APBB2: variants seen among roughly 807,000 people sequenced by gnomAD.
The protein encoded by APBB2 is amyloid beta precursor protein binding family B member 2, also known as Fe65-like 1.
In APBB2, 38 loss-of-function variants were observed where a neutral mutation model predicts 82.5. The observed-to-expected ratio is 0.46, with a 90% CI of 0.36 to 0.60. The LOEUF (loss-of-function observed/expected upper bound fraction) is 0.60, where lower values mean the gene tolerates loss of function less well. Among genes scored for constraint, APBB2 ranks in the 20% least tolerant of loss-of-function variants. The pLI is 0.00. For synonymous variants in APBB2, 341 were observed against 368.2 expected (o/e 0.93, Z 0.85); for missense variants, 772 against 972.3 (o/e 0.79, Z 2.74).
chr4:40,815,150 AATG>A lies in APBB2; in HGVS notation c.*939_*941del. 6.5e-6 allele frequency: 1 copy of A among 152,754 alleles called. No homozygotes were observed. The highest frequency in any genetic ancestry group is 6.5e-5 in the Admixed American group (1 of 15,300). 9.5% of individuals were successfully genotyped at this position (152,754 alleles called of 1,614,324 possible). A position where few individuals can be genotyped will look rare whatever the true frequency, so the allele number is the denominator to read the frequency against. Reference sequence around the variant, plus strand: ...AATAATCGTGCATGATAGAAATATCAATGATATTTCCTCAACTTCAAATTGCAT... The same window carrying A: ...AATAATCGTGCATGATAGAAATATCAATATTTCCTCAACTTCAAATTGCAT... On this transcript the variant is annotated 3_prime_UTR_variant, in exon 18 of 18. Coordinates refer to ENST00000508593, the MANE Select transcript of APBB2 (RefSeq NM_004307.2).
At chr4:41,144,378 T>C (rs536275854) in intron 1 of APBB2, among the ~76,000 whole-genome samples, 12 of 152,362 alleles carry the variant, frequency 7.9e-5, no homozygotes, top group African/African-American at 2.6e-4. Flanking sequence ...ACTGAGTGCA[T>C]ATAATCTAAA....
intron 7 of APBB2, among the ~76,000 whole-genome samples, chr4:40,941,916 C>T (rs73244020): frequency 0.19 from 29,101 of 151,964 alleles, 3,244 homozygotes; most frequent in Admixed American, 0.27. Context: ...GGATTACAGG[C>T]GTGAGCTGCA....
At chr4:40,878,149 C>A (rs1307933326) in intron 12 of APBB2, among the ~76,000 whole-genome samples, 1 of 152,044 alleles carries the variant, frequency 6.6e-6, no homozygotes, top group Non-Finnish European at 1.5e-5. Context: ...GAGTTCAACA[C>A]CAGCTTGGCC....
At chr4:41,075,769 T>C (rs1735434705) in intron 3 of APBB2, among the ~76,000 whole-genome samples, 1 of 152,250 alleles carries the variant, frequency 6.6e-6, no homozygotes, top group Non-Finnish European at 1.5e-5. Flanking sequence ...ACTTGGAATG[T>C]ATACTTTAGA....
In APBB2 at chr4:40,966,560, G is replaced by A. The variant is rs142960299; in HGVS notation, c.836-21487C>T. ...GGGGCCTAGAAAGCCCCCTGCCCCT[G>A]CAGGCTCAGAAGTGCCTGTTCCTGC... On this transcript the variant is annotated intron_variant, in intron 6 of 17. Transcript: ENST00000508593. 6.0e-3 allele frequency among the ~76,000 whole-genome samples: 910 copies of A among 152,304 alleles called. 4 individuals carry two copies. Among genetic ancestry groups the A allele is most frequent in the Non-Finnish European group, 9.3e-3 (632 of 68,018 alleles).
At chr4:40,929,126 A>G (rs1263910788) in intron 10 of APBB2, among the ~76,000 whole-genome samples, 2 of 151,710 alleles carry the variant, frequency 1.3e-5, no homozygotes, top group Non-Finnish European at 2.9e-5. Context: ...GGCGATCTGG[A>G]GAAGGGGCTA....
intron 12 of APBB2, among the ~76,000 whole-genome samples, chr4:40,866,168 G>A (rs749831988): frequency 4.1e-4 from 63 of 152,120 alleles, no homozygotes; most frequent in African/African-American, 1.4e-3. Flanking sequence ...TGATTACAGC[G>A]GCTTTATTCA....
At chr4:40,868,945 A>G (rs1293362661) in intron 12 of APBB2, among the ~76,000 whole-genome samples, 1 of 152,218 alleles carries the variant, frequency 6.6e-6, no homozygotes, top group African/African-American at 2.4e-5. Context: ...AAAGCCAATC[A>G]CCATGCTTAC....
At chr4:41,212,858 C>T (rs577746660) in intron 1 of APBB2, among the ~76,000 whole-genome samples, 1 of 152,214 alleles carries the variant, frequency 6.6e-6, no homozygotes, top group Non-Finnish European at 1.5e-5. Flanking sequence ...TACCATCCTT[C>T]ACGAACGATG....
At chr4:40,896,741 C>T (rs1773776230) in intron 10 of APBB2, among the ~76,000 whole-genome samples, 1 of 152,174 alleles carries the variant, frequency 6.6e-6, no homozygotes, top group African/African-American at 2.4e-5. Flanking sequence ...TTATTCAGAG[C>T]AGCTCCTTTT....
rs201919540 is a variant in APBB2 at position 41,014,293 on chromosome 4, C to A, written c.125G>T (p.Arg42Leu). ...PATPPNTLNL[R>L]SSHNELLNAE... ...GTTCAACAGTTCATTGTGGGAGGAT[C>A]GGAGGTTAAGGGTGTTTGGTGGTGT... The change falls in exon 6 of 18, where the codon CGA (arginine) becomes CTA (leucine). Residue 42 changes from arginine (R) to leucine (L), a missense_variant. Transcript: ENST00000508593. The A allele has an allele frequency of 1.1e-5, 17 of 1,614,038 alleles. No homozygotes were observed. In the African/African-American group the frequency reaches 1.1e-4, roughly 10 times the overall value.
intron 12 of APBB2, among the ~76,000 whole-genome samples, chr4:40,859,235 TC>T (rs955406111): frequency 2.6e-5 from 4 of 151,140 alleles, no homozygotes; most frequent in Non-Finnish European, 4.4e-5. Context: ...TTCTCTCAAC[TC>T]CATGCTGCCA....
intron 10 of APBB2, among the ~76,000 whole-genome samples, chr4:40,903,721 G>T (rs978083516): frequency 6.6e-6 from 1 of 152,124 alleles, no homozygotes; most frequent in Non-Finnish European, 1.5e-5. Context: ...GCAGGGTTTT[G>T]GGGAGGATAC....
At chr4:41,000,033 G>A (rs1804706591) in intron 6 of APBB2, among the ~76,000 whole-genome samples, 1 of 147,788 alleles carries the variant, frequency 6.8e-6, no homozygotes, top group Non-Finnish European at 1.5e-5. Context: ...AAACAAACGT[G>A]TGTGTGTGTG....
chr4:41,088,630 T>C (rs1051706416), intron 3 of APBB2, among the ~76,000 whole-genome samples: 2 of 152,238 alleles, frequency 1.3e-5, no homozygotes, highest in African/African-American at 2.4e-5. Context: ...TTAGATTCTA[T>C]ATCTAGCTGT....
chr4:41,057,484 T>C (rs1032528929), intron 4 of APBB2, among the ~76,000 whole-genome samples: 16 of 152,320 alleles, frequency 1.1e-4, no homozygotes, highest in African/African-American at 2.4e-4. Context: ...TTCAATAGTA[T>C]ATGTTGCTGT....
intron 4 of APBB2, among the ~76,000 whole-genome samples, chr4:41,046,921 G>A (rs1723632980): frequency 6.6e-6 from 1 of 152,212 alleles, no homozygotes. Context: ...CTTGATCTGT[G>A]ATTCTGATGA....
At chr4:40,937,187 A>C (rs1785581642) in intron 7 of APBB2, among the ~76,000 whole-genome samples, 1 of 152,236 alleles carries the variant, frequency 6.6e-6, no homozygotes, top group African/African-American at 2.4e-5. Flanking sequence ...GGAAGACCCA[A>C]GATAATTGTG....
At chr4:40,823,888 TG>T in intron 15 of APBB2, 129 bp from the exon 16 acceptor site, 1 of 630,374 alleles carries the variant, frequency 1.6e-6, no homozygotes, top group South Asian at 1.8e-5. Context: ...TTCATTCTCA[TG>T]TTTGCTCAAC....
Sources: gnomAD v4.1 joint callset for allele counts (sites outside exome capture counted in the v4.1 genomes callset) on GRCh38, gnomAD v4.1.1 for gene constraint, MANE v1.5 for transcripts, NCBI Gene and HGNC (gene_info 2026-07-23, HGNC 2026-07-21) for gene names.